EPHB1: variants seen among roughly 807,000 people sequenced by gnomAD.
The protein encoded by EPHB1 is ephrin type-B receptor 1.
In EPHB1, 30 loss-of-function variants were observed where a neutral mutation model predicts 94.4. The observed-to-expected ratio is 0.32, with a 90% CI of 0.24 to 0.43. EPHB1 has a LOEUF of 0.43. EPHB1 is among the 20% of genes least tolerant of loss of function. EPHB1 has a pLI of 1.00. For missense variants in EPHB1, 1,055 were observed against 1,308.3 expected, an observed-to-expected ratio of 0.81 and a Z score of 2.99; for synonymous variants, 522 against 489.1, an observed-to-expected ratio of 1.07 and a Z score of -0.89.
intron 3 of EPHB1, among the ~76,000 whole-genome samples, chr3:134,975,742 A>G (rs1038936442): frequency 6.6e-6 from 1 of 150,432 alleles, no homozygotes; most frequent in Non-Finnish European, 1.5e-5. Context: ...TTTTTAAACT[A>G]TTCGTAAGGA....
chr3:134,797,684 C>T (rs536244653), intron 1 of EPHB1, among the ~76,000 whole-genome samples: 4 of 152,184 alleles, frequency 2.6e-5, no homozygotes, highest in Non-Finnish European at 5.9e-5. Flanking sequence ...CCGGAAGCTG[C>T]CCGCGGGTGC....
At chr3:134,825,246 A>C (rs2108291379) in intron 1 of EPHB1, among the ~76,000 whole-genome samples, 1 of 152,268 alleles carries the variant, frequency 6.6e-6, no homozygotes, top group South Asian at 2.1e-4. Flanking sequence ...CAGGCTGGAG[A>C]TGTTACGATC....
At chr3:135,001,113 C>T (rs1935157784) in intron 3 of EPHB1, among the ~76,000 whole-genome samples, 1 of 152,136 alleles carries the variant, frequency 6.6e-6, no homozygotes, top group African/African-American at 2.4e-5. Flanking sequence ...TGCTGATCCT[C>T]CTTGGGGCAG....
At chr3:135,163,673 C>A (rs1161361441) in intron 7 of EPHB1, among the ~76,000 whole-genome samples, 4 of 152,218 alleles carry the variant, frequency 2.6e-5, no homozygotes, top group Admixed American at 2.0e-4. Flanking sequence ...GAGTGCTGGT[C>A]TCTTGGCAAT....
At chr3:134,859,395 G>A (rs1336178913) in intron 1 of EPHB1, among the ~76,000 whole-genome samples, 2 of 152,220 alleles carry the variant, frequency 1.3e-5, no homozygotes, top group Non-Finnish European at 2.9e-5. Context: ...TAACTTGGGA[G>A]CAGAAAGAGA....
intron 6 of EPHB1, among the ~76,000 whole-genome samples, chr3:135,156,052 G>C (rs917367455): frequency 6.6e-6 from 1 of 151,988 alleles, no homozygotes; most frequent in East Asian, 1.9e-4. Flanking sequence ...CCAGCAAGTT[G>C]GATTTCGGGC....
rs1050859477 is a variant in EPHB1, at chr3:135,260,058, G to A, written c.*938G>A. Reference sequence around the variant, plus strand: ...AAATAAAATGAAAGGAAAAAAAAAAGTTTGCAAATTCAGACAGGAAACAGG... The same window carrying A: ...AAATAAAATGAAAGGAAAAAAAAAAATTTGCAAATTCAGACAGGAAACAGG... On this transcript the variant is annotated 3_prime_UTR_variant, in exon 16 of 16. Coordinates refer to ENST00000398015, the MANE Select transcript of EPHB1 (RefSeq NM_004441.5). The A allele has an allele frequency of 8.6e-6, 2 of 231,720 alleles. No individual in the cohort carries two copies. Among genetic ancestry groups the A allele is most frequent in the Non-Finnish European group, 1.7e-5 (2 of 116,836 alleles). 14.4% of individuals were successfully genotyped at this position (231,720 alleles called of 1,614,324 possible).
intron 3 of EPHB1, among the ~76,000 whole-genome samples, chr3:134,960,080 C>T (rs56177024): frequency 5.5e-4 from 80 of 146,506 alleles, no homozygotes; most frequent in African/African-American, 1.9e-3. Flanking sequence ...CCAAGCCTGC[C>T]TGCAGTGGAG....
At chr3:134,966,053 G>A (rs756376967) in intron 3 of EPHB1, among the ~76,000 whole-genome samples, 1 of 152,198 alleles carries the variant, frequency 6.6e-6, no homozygotes, top group Non-Finnish European at 1.5e-5. Context: ...GCTGTGTGCT[G>A]TTTGCCAACA....
At chr3:135,143,527 G>A (rs540705480) in intron 5 of EPHB1, among the ~76,000 whole-genome samples, 11 of 152,318 alleles carry the variant, frequency 7.2e-5, no homozygotes, top group South Asian at 2.1e-4. Context: ...ACAACTTGCG[G>A]TGGGGTATCT....
intron 3 of EPHB1, among the ~76,000 whole-genome samples, chr3:135,095,718 C>A (rs1470819929): frequency 6.6e-6 from 1 of 152,168 alleles, no homozygotes; most frequent in Admixed American, 6.5e-5. Context: ...GCACTCAGGG[C>A]CCCTGAAGGC....
intron 1 of EPHB1, among the ~76,000 whole-genome samples, chr3:134,884,669 A>G (rs1301592648): frequency 6.6e-6 from 1 of 152,234 alleles, no homozygotes; most frequent in Non-Finnish European, 1.5e-5. Flanking sequence ...GACTTGAATG[A>G]CCCAGACCAC....
chr3:134,944,452 G>A (rs2039179212), intron 2 of EPHB1, among the ~76,000 whole-genome samples: 1 of 152,204 alleles, frequency 6.6e-6, no homozygotes, highest in Non-Finnish European at 1.5e-5. Context: ...AGGTTAGCAT[G>A]AGGCAAGTAT....
intron 2 of EPHB1, among the ~76,000 whole-genome samples, chr3:134,928,564 C>T (rs1339175478): frequency 6.6e-6 from 1 of 152,174 alleles, no homozygotes; most frequent in African/African-American, 2.4e-5. Flanking sequence ...TCAGAGGACA[C>T]AGGAGGAGGA....
At chr3:134,977,864 G>C in intron 3 of EPHB1, 1 of 415,376 alleles carries the variant, frequency 2.4e-6, no homozygotes, top group East Asian at 7.2e-5. Context: ...AACAGAGCTG[G>C]CACCAGAGCC....
At chr3:135,201,391 A>G (rs2107712904) in intron 11 of EPHB1, 83 bp from the exon 12 acceptor site, 1 of 1,420,008 alleles carries the variant, frequency 7.0e-7, no homozygotes, top group East Asian at 2.3e-5. Context: ...AGAAGCTGAC[A>G]AGCAGCAGGG....
intron 1 of EPHB1, among the ~76,000 whole-genome samples, chr3:134,831,736 C>T (rs998701058): frequency 6.6e-6 from 1 of 152,168 alleles, no homozygotes; most frequent in African/African-American, 2.4e-5. Flanking sequence ...GCTTTTTGTC[C>T]CGTTTTATAA....
At chr3:135,011,212 G>A (rs959484444) in intron 3 of EPHB1, among the ~76,000 whole-genome samples, 1 of 152,332 alleles carries the variant, frequency 6.6e-6, no homozygotes, top group Middle Eastern at 3.4e-3. Flanking sequence ...ATTGAACGTG[G>A]TCAGCTGAAC....
intron 10 of EPHB1, among the ~76,000 whole-genome samples, chr3:135,184,269 T>C (rs1018355375): frequency 7.9e-5 from 12 of 152,084 alleles, no homozygotes; most frequent in African/African-American, 2.9e-4. Flanking sequence ...GTTGTGCATG[T>C]GAGTGAAGAC....
Sources: allele counts gnomAD v4.1 joint callset (sites outside exome capture counted in the v4.1 genomes callset), GRCh38; gene constraint gnomAD v4.1.1; transcripts MANE v1.5; gene names NCBI Gene and HGNC (gene_info 2026-07-23, HGNC 2026-07-21).